Variants in NOSTRIN observed in about 807,000 individuals in gnomAD.
NOSTRIN encodes nitric oxide synthase trafficking.
Under a neutral mutation model 59.0 loss-of-function variants are expected in NOSTRIN, and 63 were observed. The observed-to-expected ratio is 1.07, with a 90% confidence interval of 0.87 to 1.32. The LOEUF (loss-of-function observed/expected upper bound fraction) is 1.32, where lower values mean the gene tolerates loss of function less well. Ranked by LOEUF, NOSTRIN falls within the 40% of genes most tolerant of loss-of-function variation. The pLI, the probability that NOSTRIN is intolerant of heterozygous loss-of-function variation, is 0.00. For missense variants in NOSTRIN, 512 were observed against 473.1 expected (o/e 1.08, Z -0.76); for synonymous variants, 200 against 165.4 (o/e 1.21, Z -1.61).
In NOSTRIN at chr2:168,813,960, C is replaced by T. The variant is rs202206148; in HGVS notation, c.113+2308C>T. On this transcript the variant is annotated intron_variant, in intron 2 of 15. Coordinates refer to ENST00000317647, the MANE Select transcript of NOSTRIN (RefSeq NM_001039724.4). ...TTGATTCCTGGTAAATGTACATTTG[C>T]GGTGTCTCCTCGTCTTGAGCTTTCA... is the stretch of plus-strand genomic sequence containing the variant. Among the ~76,000 whole-genome samples, 6 of 152,154 alleles carry T rather than the reference C, an allele frequency of 3.9e-5. No homozygotes were observed. The East Asian group carries it at 1.2e-3, about 29-fold the overall frequency.
intron 2 of NOSTRIN, among the ~76,000 whole-genome samples, chr2:168,818,819 AC>A (rs923320704): frequency 1.4e-5 from 2 of 144,464 alleles, no homozygotes; most frequent in Non-Finnish European, 3.0e-5. Flanking sequence ...TTGGTCCAGA[AC>A]CTTTTTTAGC....
At position 168,864,881 on chromosome 2, in the gene NOSTRIN, G is replaced by C. The variant is rs1469003010; in HGVS notation, c.1432G>C (p.Gly478Arg). Residue 478 changes from glycine to arginine, a missense_variant, in exon 16 of 16, where the codon GGA (glycine) becomes CGA (arginine). By Grantham distance (125) the Gly-to-Arg change is moderately radical. Transcript: ENST00000317647. ...HEKKEGGWWFGSLNGKKGHFP... is the reference protein window; with the variant it reads ...HEKKEGGWWFRSLNGKKGHFP... ...GAAAAAAGAAGGAGGATGGTGGTTT[G>C]GATCTTTGAATGGGAAAAAAGGCCA... 2.5e-6 allele frequency: 4 copies of C among 1,613,984 alleles called. No homozygotes were observed. Among genetic ancestry groups the C allele is most frequent in the Middle Eastern group, 1.7e-4 (1 of 6,058 alleles).
At position 168,833,396 on chromosome 2, in the gene NOSTRIN, C is replaced by G. The variant is rs78379101; in HGVS notation, c.406-831C>G. 2.4e-4 allele frequency among the ~76,000 whole-genome samples: 36 copies of G among 152,316 alleles called. No homozygotes were observed. The East Asian group carries it at 6.9e-3, about 29-fold the overall frequency. On this transcript the variant is annotated intron_variant, in intron 6 of 15. Transcript: ENST00000317647. ...GGCAGAAGGCTTTGCCTTTGATTCC[C>G]AAGCTAAAAAGCCAAGGAAGAGAGA...
At chr2:168,832,128 G>C (rs1687400904) in intron 6 of NOSTRIN, among the ~76,000 whole-genome samples, 1 of 152,148 alleles carries the variant, frequency 6.6e-6, no homozygotes, top group Non-Finnish European at 1.5e-5. Context: ...TCATGAGTAT[G>C]TGGGGTCCAC....
At chr2:168,814,706 A>G (rs1208083871) in intron 2 of NOSTRIN, among the ~76,000 whole-genome samples, 1 of 152,192 alleles carries the variant, frequency 6.6e-6, no homozygotes, top group Non-Finnish European at 1.5e-5. Flanking sequence ...GAAGGAGGAC[A>G]TGGGGTTTTG....
upstream of NOSTRIN, among the ~76,000 whole-genome samples, chr2:168,794,755 T>A (rs942940211): frequency 1.3e-5 from 2 of 151,980 alleles, no homozygotes; most frequent in African/African-American, 4.8e-5. Flanking sequence ...CTTAAAAAAA[T>A]TAACATATAC....
At chr2:168,809,008 A>G (rs1038682378) in intron 1 of NOSTRIN, among the ~76,000 whole-genome samples, 1 of 152,242 alleles carries the variant, frequency 6.6e-6, no homozygotes, top group Non-Finnish European at 1.5e-5. Flanking sequence ...CTGTATCATT[A>G]TGTTATGAAA....
At chr2:168,828,355 G>A (rs1205909520) in intron 4 of NOSTRIN, 65 bp from the exon 5 acceptor site, 1 of 864,038 alleles carries the variant, frequency 1.2e-6, no homozygotes, top group African/African-American at 1.6e-5. Context: ...TCCCCAGAAA[G>A]TAATTTGGAA....
intron 15 of NOSTRIN, among the ~76,000 whole-genome samples, chr2:168,864,058 C>G (rs1415808380): frequency 6.6e-6 from 1 of 151,596 alleles, no homozygotes; most frequent in Non-Finnish European, 1.5e-5. Context: ...ACCTCCGTCT[C>G]CTGGATTCAA....
chr2:168,837,372 C>A (rs142713206), intron 7 of NOSTRIN, among the ~76,000 whole-genome samples: 1,469 of 129,552 alleles, frequency 0.011, 33 homozygotes, highest in African/African-American at 0.041. Context: ...TGCAGTGGCG[C>A]GATCTCGGCT....
At chr2:168,790,611 C>G (rs1252649551) in intron 2 of NOSTRIN, among the ~76,000 whole-genome samples, 1 of 152,222 alleles carries the variant, frequency 6.6e-6, no homozygotes, top group Non-Finnish European at 1.5e-5. Context: ...TGGTCATCTT[C>G]AAGTCTGTCA....
At chr2:168,794,205 A>G (rs1685425542), upstream of NOSTRIN, among the ~76,000 whole-genome samples, 1 of 152,198 alleles carries the variant, frequency 6.6e-6, no homozygotes, top group South Asian at 2.1e-4. Flanking sequence ...GAATGGATGA[A>G]TACACATGAA....
chr2:168,801,908 G>A (rs572964648), upstream of NOSTRIN, among the ~76,000 whole-genome samples: 10 of 152,256 alleles, frequency 6.6e-5, no homozygotes, highest in Non-Finnish European at 1.2e-4. Context: ...ATCCTGTTGG[G>A]GCTGGAGCGA....
At chr2:168,856,056 T>C (rs1689081932) in intron 11 of NOSTRIN, 3 of 250,210 alleles carry the variant, frequency 1.2e-5, no homozygotes, top group South Asian at 1.2e-4. Flanking sequence ...TTTAGTGATG[T>C]GAATACCATA....
intron 12 of NOSTRIN, chr2:168,859,267 C>A: frequency 5.1e-6 from 2 of 389,178 alleles, no homozygotes; most frequent in Non-Finnish European, 9.0e-6. Flanking sequence ...AATATATTAC[C>A]AAGGTTTCCT....
upstream of NOSTRIN, among the ~76,000 whole-genome samples, chr2:168,797,676 A>T (rs1685522198): frequency 6.7e-6 from 1 of 148,724 alleles, no homozygotes; most frequent in Non-Finnish European, 1.5e-5. Flanking sequence ...TTAACCTTAA[A>T]TTTTTTTTTT....
intron 14 of NOSTRIN, among the ~76,000 whole-genome samples, chr2:168,861,484 TAA>T (rs79373488): frequency 5.6e-5 from 8 of 141,746 alleles, no homozygotes; most frequent in African/African-American, 7.8e-5. Flanking sequence ...GAAATTGGTT[TAA>T]AAAAAAAAAA....
chr2:168,802,603 T>C (rs753965174), upstream of NOSTRIN: 4 of 862,260 alleles, frequency 4.6e-6, no homozygotes, highest in African/African-American at 6.5e-5. Flanking sequence ...GTGTCCAGAA[T>C]GCTGGAGCGT....
At chr2:168,800,568 C>T (rs930232988), upstream of NOSTRIN, among the ~76,000 whole-genome samples, 2 of 152,150 alleles carry the variant, frequency 1.3e-5, no homozygotes, top group Non-Finnish European at 2.9e-5. Context: ...AGTCAGCCCA[C>T]TGGGAATGGC....
Sources: allele counts gnomAD v4.1 joint callset (sites outside exome capture counted in the v4.1 genomes callset), GRCh38; gene constraint gnomAD v4.1.1; transcripts MANE v1.5; gene names NCBI Gene and HGNC (gene_info 2026-07-23, HGNC 2026-07-21).